Variants in ST8SIA3 observed in about 807,000 individuals in gnomAD.
ST8SIA3 encodes the protein alpha-N-acetylneuraminate alpha-2,8-sialyltransferase ST8SIA3.
A neutral mutation model predicts 34.5 loss-of-function variants in ST8SIA3; 17 were observed. The ratio of observed to expected loss-of-function variants is 0.49; its 90% CI spans 0.34 to 0.74. The LOEUF (loss-of-function observed/expected upper bound fraction) is 0.74. ST8SIA3 is among the 30% of genes least tolerant of loss of function. ST8SIA3 has a pLI of 0.01. For missense variants in ST8SIA3, 354 were observed against 467.8 expected (o/e 0.76, Z 2.24); for synonymous variants, 172 against 176.1 (o/e 0.98, Z 0.19).
At chr18:57,354,325 C>T in intron 1 of ST8SIA3, 77 bp from the exon 2 acceptor site, 2 of 1,593,542 alleles carry the variant, frequency 1.3e-6, no homozygotes, top group South Asian at 2.2e-5. Flanking sequence ...CTCGCCCCAG[C>T]CGCTGCACTT....
intron 2 of ST8SIA3, among the ~76,000 whole-genome samples, chr18:57,355,475 T>A (rs963348054): frequency 6.6e-6 from 1 of 152,222 alleles, no homozygotes; most frequent in East Asian, 1.9e-4. Context: ...TGGGTATTCA[T>A]GGTCTCATGA....
rs1378492960 is a variant in ST8SIA3, at chr18:57,363,323, T to G, written c.*3046T>G. The G allele has an allele frequency of 6.6e-6, 1 of 152,212 alleles. No individual in the cohort carries two copies. The highest frequency in any genetic ancestry group is 2.4e-5 in the African/African-American group (1 of 41,446). 9.4% of individuals were successfully genotyped at this position (152,212 alleles called of 1,614,324 possible). ...AGGGAGACAGGGCTAAATGGTGGTGTCAAGAATTCCTCCCACACCCCAAAA... is the reference window on the plus strand; with the variant it reads ...AGGGAGACAGGGCTAAATGGTGGTGGCAAGAATTCCTCCCACACCCCAAAA... On this transcript the variant is annotated 3_prime_UTR_variant, in exon 4 of 4. Coordinates refer to ENST00000324000, the MANE Select transcript of ST8SIA3 (RefSeq NM_015879.3).
In ST8SIA3 at chr18:57,366,487, G is replaced by T. The variant is rs2144214141; in HGVS notation, c.*6210G>T. On this transcript the variant is annotated 3_prime_UTR_variant, in exon 4 of 4. Coordinates refer to ENST00000324000, the MANE Select transcript of ST8SIA3 (RefSeq NM_015879.3). ...AATCTATACCTATAGTTCATCACTT[G>T]TTTCCCCAACTTTGTCATTTTCCCT... 6.6e-6 allele frequency: 1 copy of T among 152,282 alleles called. No individual in the cohort carries two copies. Among genetic ancestry groups the T allele is most frequent in the South Asian group, 2.1e-4 (1 of 4,812 alleles). The allele number at this position is 152,282 out of a possible 1,614,324, so 9.4% of individuals were successfully genotyped here. A position where few individuals can be genotyped will look rare whatever the true frequency, so the allele number is the denominator to read the frequency against.
At chr18:57,356,884 T>C (rs1247938784) in intron 2 of ST8SIA3, 29 bp from the exon 3 acceptor site, 10 of 1,392,446 alleles carry the variant, frequency 7.2e-6, no homozygotes, top group African/African-American at 1.4e-5. Flanking sequence ...CTGAATGGAA[T>C]GCTTTTCATG....
Position 57,368,048 on chromosome 18 carries a change from G to A in ST8SIA3, c.*7771G>A, listed in dbSNP as rs1190839726. On this transcript the variant is annotated 3_prime_UTR_variant, in exon 4 of 4. Transcript: ENST00000324000. ...GATTCCAGATCAACATCCTCCATGT[G>A]GAGATGAGACAACTGAGGTTCAGAA... 6.6e-6 allele frequency: 1 copy of A among 152,414 alleles called. No homozygotes were observed. Among genetic ancestry groups the A allele is most frequent in the Non-Finnish European group, 1.5e-5 (1 of 68,034 alleles). The allele number at this position is 152,414 out of a possible 1,614,324, so 9.4% of individuals were successfully genotyped here. A position where few individuals can be genotyped will look rare whatever the true frequency, so the allele number is the denominator to read the frequency against.
In ST8SIA3 at chr18:57,366,659, T is replaced by A. The variant is rs2049862471; in HGVS notation, c.*6382T>A. The stretch of plus-strand genomic sequence containing the variant: ...GGAAAGGCACTGAGGTTCCAAGGTC[T>A]CTACCCCACCAGGGGACACCCAGTA... On this transcript the variant is annotated 3_prime_UTR_variant, in exon 4 of 4. Coordinates refer to ENST00000324000, the MANE Select transcript of ST8SIA3 (RefSeq NM_015879.3). 1 of 152,250 alleles carries A rather than the reference T, an allele frequency of 6.6e-6. No homozygotes were observed. The highest frequency in any genetic ancestry group is 1.5e-5 in the Non-Finnish European group (1 of 68,056). The allele number at this position is 152,250 out of a possible 1,614,324, so 9.4% of individuals were successfully genotyped here. A position where few individuals can be genotyped will look rare whatever the true frequency, so the allele number is the denominator to read the frequency against.
In ST8SIA3 at chr18:57,361,970, T is replaced by C. The variant is rs550942993; in HGVS notation, c.*1693T>C. The C allele has an allele frequency of 1.8e-4, 28 of 152,366 alleles. 1 individual carries two copies. Among genetic ancestry groups the C allele is most frequent in the African/African-American group, 6.3e-4 (26 of 41,584 alleles). 9.4% of individuals were successfully genotyped at this position (152,366 alleles called of 1,614,324 possible). On this transcript the variant is annotated 3_prime_UTR_variant, in exon 4 of 4. Coordinates refer to ENST00000324000, the MANE Select transcript of ST8SIA3 (RefSeq NM_015879.3). ...ATGGTAAGGAAAGACACTATCGTTA[T>C]GCTCACGTTCTGCCTGGTCCTAAAC...
chr18:57,355,441 T>C (rs2049793419), intron 2 of ST8SIA3, among the ~76,000 whole-genome samples: 1 of 152,220 alleles, frequency 6.6e-6, no homozygotes, highest in Non-Finnish European at 1.5e-5. Context: ...GTTTAATCTA[T>C]GGGCAGAATT....
At chr18:57,356,278 G>A (rs1398173483) in intron 2 of ST8SIA3, among the ~76,000 whole-genome samples, 1 of 152,098 alleles carries the variant, frequency 6.6e-6, no homozygotes, top group African/African-American at 2.4e-5. Context: ...CAACTAAATT[G>A]TGTTTCTATA....
At chr18:57,353,049 T>G (rs569322021) in intron 1 of ST8SIA3, 24 bp downstream of exon 1, 7 of 1,596,230 alleles carry the variant, frequency 4.4e-6, no homozygotes, top group East Asian at 4.5e-5. Flanking sequence ...TCTGTGTTAG[T>G]GCCCTCGGGA....
At chr18:57,358,535 T>C (rs1339105738) in intron 3 of ST8SIA3, among the ~76,000 whole-genome samples, 3 of 139,082 alleles carry the variant, frequency 2.2e-5, no homozygotes, top group Non-Finnish European at 4.5e-5. Flanking sequence ...CTGGTTTGTA[T>C]CTCAATGGTA....
chr18:57,367,813 A>C lies in ST8SIA3; in HGVS notation c.*7536A>C, dbSNP rs547004041. ...GATCTGAACCCATACTGTGCAGAAA[A>C]GCACAAGAGCGCTTACAGCCAAGAG... On this transcript the variant is annotated 3_prime_UTR_variant, in exon 4 of 4. Transcript: ENST00000324000. The C allele has an allele frequency of 6.5e-6, 1 of 152,682 alleles. No homozygotes were observed. The highest frequency in any genetic ancestry group is 1.5e-5 in the Non-Finnish European group (1 of 68,058). The allele number at this position is 152,682 out of a possible 1,614,324, so 9.5% of individuals were successfully genotyped here. A position where few individuals can be genotyped will look rare whatever the true frequency, so the allele number is the denominator to read the frequency against.
chr18:57,361,596 G>A lies in ST8SIA3; in HGVS notation c.*1319G>A, dbSNP rs1479472225. The A allele has an allele frequency of 2.0e-5, 3 of 152,606 alleles. No homozygotes were observed. Among genetic ancestry groups the A allele is most frequent in the Non-Finnish European group, 4.4e-5 (3 of 68,030 alleles). 9.5% of individuals were successfully genotyped at this position (152,606 alleles called of 1,614,324 possible). A position where few individuals can be genotyped will look rare whatever the true frequency, so the allele number is the denominator to read the frequency against. On this transcript the variant is annotated 3_prime_UTR_variant, in exon 4 of 4. Coordinates refer to ENST00000324000, the MANE Select transcript of ST8SIA3 (RefSeq NM_015879.3). Reference sequence around the variant, plus strand: ...GGAATCCAAGATTATGTAGACCTGCGATGAAGGAAGTAGCTGGCCATTCTC... The same window carrying A: ...GGAATCCAAGATTATGTAGACCTGCAATGAAGGAAGTAGCTGGCCATTCTC...
At position 57,357,189 on chromosome 18, in the gene ST8SIA3, T is replaced by C. The variant is rs777459006; in HGVS notation, c.579T>C (p.Pro193=). 1 of 1,614,158 alleles carries C rather than the reference T, an allele frequency of 6.2e-7. No individual in the cohort carries two copies. Among genetic ancestry groups the C allele is most frequent in the South Asian group, 1.1e-5 (1 of 91,084 alleles). ...SDFVFRCNFA[P]TEAFQRDVGR... The stretch of plus-strand genomic sequence containing the variant: ...TTGTTTTCCGTTGCAATTTCGCCCC[T>C]ACGGAGGCTTTCCAAAGAGATGTTG... Residue 193 remains proline (P), a synonymous_variant, in exon 3 of 4, where the codon CCT becomes CCC. Coordinates refer to ENST00000324000, the MANE Select transcript of ST8SIA3 (RefSeq NM_015879.3).
chr18:57,359,344 T>A (rs558384058), intron 3 of ST8SIA3, among the ~76,000 whole-genome samples: 1 of 152,148 alleles, frequency 6.6e-6, no homozygotes, highest in Non-Finnish European at 1.5e-5. Context: ...ATTTAAAAAA[T>A]TTAGCATGCC....
chr18:57,360,010 A>G lies in ST8SIA3; in HGVS notation c.876A>G (p.Lys292=). The change falls in exon 4 of 4, where the codon AAA becomes AAG. Residue 292 remains lysine, a synonymous_variant. Coordinates refer to ENST00000324000, the MANE Select transcript of ST8SIA3 (RefSeq NM_015879.3). The part of the protein sequence containing the change: ...MQHVNRYWKN[K]HLSPKRLSTG... ...TGTTCCACAGGTACTGGAAAAACAA[A>G]CATTTGTCACCTAAACGGCTGAGCA... 6.2e-7 allele frequency: 1 copy of G among 1,611,414 alleles called. No homozygotes were observed. Among genetic ancestry groups the G allele is most frequent in the Non-Finnish European group, 8.5e-7 (1 of 1,177,718 alleles).
rs542260496 is a variant in ST8SIA3, at chr18:57,364,287, C to T, written c.*4010C>T. The T allele has an allele frequency of 3.3e-5, 5 of 152,290 alleles. No homozygotes were observed. The highest frequency in any genetic ancestry group is 1.3e-4 in the Admixed American group (2 of 15,288). 9.4% of individuals were successfully genotyped at this position (152,290 alleles called of 1,614,324 possible). On this transcript the variant is annotated 3_prime_UTR_variant, in exon 4 of 4. Coordinates refer to ENST00000324000, the MANE Select transcript of ST8SIA3 (RefSeq NM_015879.3). ...ACATGCATAATTTAGAAGTTGAAGG[C>T]TGAAAATTGTTGTGTTCTTCTCCAT...
chr18:57,360,547 A>G lies in ST8SIA3; in HGVS notation c.*270A>G, dbSNP rs187071958. ...TAACGAAATGGTTTGAAGTATTTTC[A>G]TGTTTGGATTTTAATAATAAACTGC... is the stretch of plus-strand genomic sequence containing the variant. On this transcript the variant is annotated 3_prime_UTR_variant, in exon 4 of 4. Transcript: ENST00000324000. 1 of 416,536 alleles carries G rather than the reference A, an allele frequency of 2.4e-6. No homozygotes were observed. Among genetic ancestry groups the G allele is most frequent in the African/African-American group, 2.0e-5 (1 of 50,310 alleles). The allele number at this position is 416,536 out of a possible 1,614,324, so 25.8% of individuals were successfully genotyped here. A position where few individuals can be genotyped will look rare whatever the true frequency, so the allele number is the denominator to read the frequency against.
Position 57,354,542 on chromosome 18 carries a change from G to C in ST8SIA3, c.302+18G>C. The C allele has an allele frequency of 6.2e-7, 1 of 1,613,044 alleles. No individual in the cohort carries two copies. On this transcript the variant is annotated intron_variant, in intron 2 of 3. Coordinates refer to ENST00000324000, the MANE Select transcript of ST8SIA3 (RefSeq NM_015879.3). ...CATCAAAGGTAGGATAGGAGGAAAAGATCCAAAAGGTGCTTTTAAGAATTC... is the reference window on the plus strand; with the variant it reads ...CATCAAAGGTAGGATAGGAGGAAAACATCCAAAAGGTGCTTTTAAGAATTC...
Sources: allele counts gnomAD v4.1 joint callset (sites outside exome capture counted in the v4.1 genomes callset), GRCh38; gene constraint gnomAD v4.1.1; transcripts MANE v1.5; gene names NCBI Gene and HGNC (gene_info 2026-07-23, HGNC 2026-07-21).